Variants in RNF212 observed in about 807,000 individuals in gnomAD.
The protein encoded by RNF212 is ring finger protein 212, also known as probable E3 SUMO-protein ligase RNF212.
A neutral mutation model predicts 34.7 loss-of-function variants in RNF212; 33 were observed. That is an observed-to-expected ratio of 0.95 (90% CI 0.72 to 1.27). The LOEUF (loss-of-function observed/expected upper bound fraction) is 1.27. RNF212 is among the 50% of genes most tolerant of loss of function. The pLI, the probability that RNF212 is intolerant of heterozygous loss-of-function variation, is 0.00. For missense variants in RNF212, 377 were observed against 362.2 expected (o/e 1.04, Z -0.33); for synonymous variants, 140 against 136.1 (o/e 1.03, Z -0.20).
intron 2 of RNF212, among the ~76,000 whole-genome samples, chr4:1,097,702 G>C (rs647828): frequency 0.18 from 27,999 of 152,036 alleles, 4,153 homozygotes; most frequent in African/African-American, 0.42. Flanking sequence ...ACTTTCCCCA[G>C]CCAGGACCAC....
intron 5 of RNF212, among the ~76,000 whole-genome samples, chr4:1,082,296 C>T (rs912637941): frequency 2.6e-5 from 4 of 152,218 alleles, no homozygotes; most frequent in Non-Finnish European, 5.9e-5. Context: ...CTGTGACTCC[C>T]GGCCACAGAA....
At position 1,071,935 on chromosome 4, in the gene RNF212, T is replaced by C. The variant is rs1718538991; in HGVS notation, c.*939A>G. On this transcript the variant is annotated 3_prime_UTR_variant, in exon 10 of 10. Transcript: ENST00000433731. ...CTCCTTAGTATTTACCCAAAGGAGC[T>C]GAAAACATGTCTACACAAAACCCTG... is the stretch of plus-strand genomic sequence containing the variant. 1 of 152,246 alleles carries C rather than the reference T, an allele frequency of 6.6e-6. No individual in the cohort carries two copies. The highest frequency in any genetic ancestry group is 2.1e-4 in the South Asian group (1 of 4,832). The allele number at this position is 152,246 out of a possible 1,614,324, so 9.4% of individuals were successfully genotyped here.
At chr4:1,059,750 C>T (rs568826850) in intron 3 of RNF212, among the ~76,000 whole-genome samples, 19 of 152,364 alleles carry the variant, frequency 1.2e-4, no homozygotes, top group African/African-American at 2.9e-4. Flanking sequence ...CAAATAATAA[C>T]GATGGCAGGT....
At chr4:1,099,915 C>G (rs1228158192) in intron 2 of RNF212, 1 of 455,374 alleles carries the variant, frequency 2.2e-6, no homozygotes, top group African/African-American at 2.0e-5. Flanking sequence ...CTGTCAGACA[C>G]AGGAAAGGGG....
At chr4:1,068,546 AACAAT>A (rs544235828), downstream of RNF212, among the ~76,000 whole-genome samples, 26 of 152,334 alleles carry the variant, frequency 1.7e-4, no homozygotes, top group African/African-American at 5.8e-4. Flanking sequence ...TTATAACTCC[AACAAT>A]ACAGTGTTAT....
rs1006454300 is a variant in RNF212 at position 1,082,277 on chromosome 4, T to C, written c.363-658A>G. On this transcript the variant is annotated intron_variant, in intron 5 of 9. Coordinates refer to ENST00000433731, the MANE Select transcript of RNF212 (RefSeq NM_001131034.4). ...ACGATGGCCAGTAGCAGAGACCACC[T>C]GCTGTGCCCTGTGACTCCCGGCCAC... Among the ~76,000 whole-genome samples the C allele has an allele frequency of 3.3e-5, 5 of 152,194 alleles. No homozygotes were observed. In the East Asian group the frequency reaches 9.6e-4, roughly 29 times the overall value.
intron 4 of RNF212, among the ~76,000 whole-genome samples, chr4:1,086,335 C>T (rs187830885): frequency 3.9e-5 from 6 of 152,114 alleles, no homozygotes; most frequent in Admixed American, 6.5e-5. Flanking sequence ...GCTGGAGCCC[C>T]GCCCTGTGTG....
At chr4:1,073,368 T>C (rs1373350063) in intron 9 of RNF212, among the ~76,000 whole-genome samples, 175 bp from the exon 10 acceptor site, 2 of 152,032 alleles carry the variant, frequency 1.3e-5, no homozygotes, top group East Asian at 3.9e-4. Context: ...GGACATAGAA[T>C]GCAAAGGAGC....
intron 3 of RNF212, among the ~76,000 whole-genome samples, chr4:1,094,569 G>A (rs1009430652): frequency 6.6e-6 from 1 of 152,156 alleles, no homozygotes; most frequent in African/African-American, 2.4e-5. Flanking sequence ...CAGGGGCTCA[G>A]CTGCCAGGAT....
Position 1,081,577 on chromosome 4 carries a change from A to G in RNF212, c.405T>C (p.Ser135=), listed in dbSNP as rs772973484. The part of the protein sequence containing the change: ...SQQTAFSTIK[S]SVSTKPHGCL... ...CATGATTTTACTTACTTGAAACTGA[A>G]CTTTTTATTGTGCTGAAAGCTGTTT... is the stretch of plus-strand genomic sequence containing the variant. Residue 135 remains serine (S), a synonymous_variant, in exon 6 of 10, where the codon AGT becomes AGC. Coordinates refer to ENST00000433731, the MANE Select transcript of RNF212 (RefSeq NM_001131034.4). 2 of 1,611,082 alleles carry G rather than the reference A, an allele frequency of 1.2e-6. No individual in the cohort carries two copies. The highest frequency in any genetic ancestry group is 1.7e-6 in the Non-Finnish European group (2 of 1,177,350).
chr4:1,074,915 T>C (rs1719032555), intron 8 of RNF212, among the ~76,000 whole-genome samples: 1 of 50,024 alleles, frequency 2.0e-5, no homozygotes, highest in Admixed American at 1.3e-4. Flanking sequence ...TTCTGGATCC[T>C]TCCATCCGCT....
At chr4:1,073,861 G>T in intron 8 of RNF212, 199 bp from the exon 9 acceptor site, 1 of 586,732 alleles carries the variant, frequency 1.7e-6, no homozygotes, top group Non-Finnish European at 3.1e-6. Context: ...GGTGTGGGTG[G>T]GTATTACCTG....
intron 4 of RNF212, among the ~76,000 whole-genome samples, chr4:1,057,646 C>A: frequency 6.6e-6 from 1 of 152,240 alleles, no homozygotes; most frequent in East Asian, 1.9e-4. Context: ...ACTACCTGCC[C>A]TTTATAGAAG....
chr4:1,068,507 C>T (rs1718237319), downstream of RNF212, among the ~76,000 whole-genome samples: 1 of 152,222 alleles, frequency 6.6e-6, no homozygotes, highest in Admixed American at 6.5e-5. Context: ...TTCCTTTGTG[C>T]TTATTATCCT....
chr4:1,079,608 T>C, intron 8 of RNF212, 35 bp downstream of exon 8: 1 of 1,445,906 alleles, frequency 6.9e-7, no homozygotes. Flanking sequence ...ACACGTCTGG[T>C]ATACAGAGGA....
At chr4:1,064,354 C>G (rs1237908854) in intron 3 of RNF212, among the ~76,000 whole-genome samples, 1 of 152,212 alleles carries the variant, frequency 6.6e-6, no homozygotes, top group Non-Finnish European at 1.5e-5. Context: ...GTTGTAATCT[C>G]TAGAGGAATC....
intron 3 of RNF212, chr4:1,093,399 C>T (rs1199932632): frequency 1.0e-5 from 14 of 1,393,476 alleles, no homozygotes; most frequent in African/African-American, 4.4e-5. Flanking sequence ...ATTTATGTTA[C>T]GTTGATATTA....
chr4:1,088,674 C>T (rs1176361898), intron 4 of RNF212, among the ~76,000 whole-genome samples: 1 of 152,150 alleles, frequency 6.6e-6, no homozygotes, highest in African/African-American at 2.4e-5. Flanking sequence ...ATCATAGGCC[C>T]AGAGAAAAAA....
At chr4:1,090,002 G>A (rs1251991614) in intron 4 of RNF212, among the ~76,000 whole-genome samples, 2 of 152,048 alleles carry the variant, frequency 1.3e-5, no homozygotes, top group Non-Finnish European at 2.9e-5. Context: ...GGGGTGAGGG[G>A]TGACAGGATG....
Sources: allele counts gnomAD v4.1 joint callset (sites outside exome capture counted in the v4.1 genomes callset), GRCh38; gene constraint gnomAD v4.1.1; transcripts MANE v1.5; gene names NCBI Gene and HGNC (gene_info 2026-07-23, HGNC 2026-07-21).